The following BRWD1 variants were observed in gnomAD, a reference collection of about 807,000 sequenced individuals.
BRWD1 encodes bromodomain and WD repeat-containing protein 1.
In BRWD1, 82 loss-of-function variants were observed where a neutral mutation model predicts 251.2. That is an observed-to-expected ratio of 0.33 (90% confidence interval 0.27 to 0.39). BRWD1 has a LOEUF of 0.39. Among genes scored for constraint, BRWD1 ranks in the 10% least tolerant of loss-of-function variants. The pLI is 1.00. For synonymous variants in BRWD1, 918 were observed against 902.8 expected (o/e 1.02, Z -0.30); for missense variants, 2,233 against 2,711.6 (o/e 0.82, Z 3.92).
intron 27 of BRWD1, among the ~76,000 whole-genome samples, chr21:39,227,695 C>T (rs2033436734): frequency 6.6e-6 from 1 of 152,104 alleles, no homozygotes; most frequent in African/African-American, 2.4e-5. Context: ...CTTAACAAAA[C>T]AGTGTCAAGT....
At chr21:39,211,770 G>A (rs1050725876) in intron 34 of BRWD1, among the ~76,000 whole-genome samples, 2 of 152,130 alleles carry the variant, frequency 1.3e-5, no homozygotes, top group African/African-American at 4.8e-5. Context: ...TCAAATTAGA[G>A]TATTTTAGGT....
intron 17 of BRWD1, among the ~76,000 whole-genome samples, chr21:39,259,076 G>A (rs536441504): frequency 6.6e-6 from 1 of 152,260 alleles, no homozygotes; most frequent in South Asian, 2.1e-4. Flanking sequence ...AAAAATCCCT[G>A]AGATTTAATT....
At chr21:39,313,193 G>A (rs781467310) in intron 2 of BRWD1, 48 bp downstream of exon 2, 1 of 1,514,026 alleles carries the variant, frequency 6.6e-7, no homozygotes, top group East Asian at 2.6e-5. Flanking sequence ...CCGGCGGCGG[G>A]GACACTGGGG....
At position 39,196,738 on chromosome 21, in the gene BRWD1, T is replaced by C. The variant is rs2031838309; in HGVS notation, c.6331A>G (p.Lys2111Glu). Residue 2111 changes from lysine to glutamate, a missense_variant, in exon 41 of 41, where the codon AAG (lysine) becomes GAG (glutamate). Transcript: ENST00000342449. ...TGTGAATCATGAATCACTTTTGTCT[T>C]ACTAAAAGGAGCCTTTCCATAGGTC... is the stretch of plus-strand genomic sequence containing the variant. Reference protein sequence around the residue: ...LRTYGKAPFSKTKVIHDSQET... With the variant: ...LRTYGKAPFSETKVIHDSQET... 1.2e-6 allele frequency: 2 copies of C among 1,613,720 alleles called. No homozygotes were observed. The highest frequency in any genetic ancestry group is 1.1e-5 in the South Asian group (1 of 91,076).
rs2031885556 is a variant in BRWD1, at chr21:39,197,526, G to A, written c.5654-111C>T. 4.8e-6 allele frequency: 4 copies of A among 840,432 alleles called. No individual in the cohort carries two copies. The Admixed American group carries it at 8.1e-5, about 17-fold the overall frequency. The allele number at this position is 840,432 out of a possible 1,614,324, so 52.1% of individuals were successfully genotyped here. A position where few individuals can be genotyped will look rare whatever the true frequency, so the allele number is the denominator to read the frequency against. On this transcript the variant is annotated intron_variant, in intron 40 of 40. Coordinates refer to ENST00000342449, the MANE Select transcript of BRWD1 (RefSeq NM_033656.4). ...GTATTAATTTGAAGGGGGTATTGCA[G>A]TGAATGGAATGGTACACACCTATTA...
chr21:39,228,782 A>T (rs2033487606), intron 26 of BRWD1, among the ~76,000 whole-genome samples, 200 bp from the exon 27 acceptor site: 1 of 152,198 alleles, frequency 6.6e-6, no homozygotes, highest in Non-Finnish European at 1.5e-5. Flanking sequence ...TTATCAAAAC[A>T]AAATAGAGAT....
rs1307223436 is a variant in BRWD1, at chr21:39,189,234, C to T, written c.*7025G>A. 1 of 984,956 alleles carries T rather than the reference C, an allele frequency of 1.0e-6. No individual in the cohort carries two copies. Among genetic ancestry groups the T allele is most frequent in the African/African-American group, 1.7e-5 (1 of 57,180 alleles). The allele number at this position is 984,956 out of a possible 1,614,324, so 61.0% of individuals were successfully genotyped here. ...ATATACTATTATCAACTAGCTGCAC[C>T]ATTTGCATTTGGAAGAAAAGAACAG... On this transcript the variant is annotated 3_prime_UTR_variant, in exon 41 of 41. Coordinates refer to ENST00000342449, the MANE Select transcript of BRWD1 (RefSeq NM_033656.4).
Position 39,187,905 on chromosome 21 carries a change from C to G in BRWD1, c.*8354G>C, listed in dbSNP as rs1485816922. ...ACCTAGCCTAAGGGATCAAGGAAGGCTTCCTTTAAGGAAGCTTTTAGACGA... is the reference window on the plus strand; with the variant it reads ...ACCTAGCCTAAGGGATCAAGGAAGGGTTCCTTTAAGGAAGCTTTTAGACGA... On this transcript the variant is annotated 3_prime_UTR_variant, in exon 41 of 41. Coordinates refer to ENST00000342449, the MANE Select transcript of BRWD1 (RefSeq NM_033656.4). 1.0e-6 allele frequency: 1 copy of G among 980,344 alleles called. No homozygotes were observed. The highest frequency in any genetic ancestry group is 1.2e-6 in the Non-Finnish European group (1 of 825,506). 60.7% of individuals were successfully genotyped at this position (980,344 alleles called of 1,614,324 possible).
Position 39,236,579 on chromosome 21 carries a change from G to GC in BRWD1, c.2766+15_2766+16insG. ...TATCATGATACATGCTATTTTTAAA[G>GC]ATACGTTTTTCTTACCTCCTTCTTA... On this transcript the variant is annotated intron_variant, in intron 23 of 40. Coordinates refer to ENST00000342449, the MANE Select transcript of BRWD1 (RefSeq NM_033656.4). 1 of 1,555,114 alleles carries GC rather than the reference G, an allele frequency of 6.4e-7. No homozygotes were observed. Among genetic ancestry groups the GC allele is most frequent in the East Asian group, 2.3e-5 (1 of 44,130 alleles).
chr21:39,263,635 T>C (rs2034826316), intron 17 of BRWD1, among the ~76,000 whole-genome samples: 2 of 152,126 alleles, frequency 1.3e-5, no homozygotes, highest in South Asian at 4.1e-4. Context: ...ATGATACATA[T>C]GATGCAATGA....
chr21:39,292,141 G>GGT (rs1411299518), intron 8 of BRWD1, among the ~76,000 whole-genome samples: 4 of 93,686 alleles, frequency 4.3e-5, no homozygotes, highest in Non-Finnish European at 8.6e-5. Flanking sequence ...GTGGGGGGGG[G>GGT]GGTCTCACTA....
chr21:39,212,139 C>A (rs554335096), intron 34 of BRWD1, among the ~76,000 whole-genome samples: 1 of 152,148 alleles, frequency 6.6e-6, no homozygotes, highest in Admixed American at 6.5e-5. Flanking sequence ...AAGCAAATAT[C>A]CTTGACTAGG....
intron 8 of BRWD1, among the ~76,000 whole-genome samples, chr21:39,280,796 T>G (rs1322321940): frequency 6.6e-6 from 1 of 152,222 alleles, no homozygotes; most frequent in Non-Finnish European, 1.5e-5. Context: ...TTCTTCAGAC[T>G]ACATCAGGAT....
Position 39,194,682 on chromosome 21 carries a change from T to C in BRWD1, c.*1577A>G. 1.3e-6 allele frequency: 2 copies of C among 1,534,680 alleles called. No homozygotes were observed. Among genetic ancestry groups the C allele is most frequent in the South Asian group, 1.2e-5 (1 of 84,006 alleles). ...AATAGGAACACTTCAGAACATTCTC[T>C]AACATTAATACCAGTCTGATGCTTC... is the stretch of plus-strand genomic sequence containing the variant. On this transcript the variant is annotated 3_prime_UTR_variant, in exon 41 of 41. Transcript: ENST00000342449.
At chr21:39,275,302 T>C (rs2035245337) in intron 12 of BRWD1, among the ~76,000 whole-genome samples, 2 of 152,210 alleles carry the variant, frequency 1.3e-5, no homozygotes, top group African/African-American at 4.8e-5. Flanking sequence ...CTTTGCAGGA[T>C]ATATCACGGT....
intron 19 of BRWD1, among the ~76,000 whole-genome samples, chr21:39,253,281 T>A (rs1282696211): frequency 1.4e-5 from 1 of 73,068 alleles, no homozygotes; most frequent in African/African-American, 6.8e-5. Flanking sequence ...AAAGCGAAAC[T>A]GTCTCAAAAA....
At chr21:39,313,921 G>A (rs1051874646), upstream of BRWD1, 4 of 317,220 alleles carry the variant, frequency 1.3e-5, no homozygotes, top group Non-Finnish European at 2.4e-5. Context: ...GCGCGACGCC[G>A]GGTGGCCCAG....
intron 37 of BRWD1, among the ~76,000 whole-genome samples, chr21:39,203,438 C>CTTTCTTTTTTTT (rs2032215428): frequency 1.5e-5 from 1 of 67,716 alleles, no homozygotes. Context: ...GACCCTGGTT[C>CTTTCTTTTTTTT]TTTTTTTTTT....
At chr21:39,320,286 C>T (rs191187128) in intron 1 of BRWD1, among the ~76,000 whole-genome samples, 1 of 152,322 alleles carries the variant, frequency 6.6e-6, no homozygotes. Context: ...TAGAGACCCT[C>T]TCTGGGCTTT....
Sources: gnomAD v4.1 joint callset for allele counts (sites outside exome capture counted in the v4.1 genomes callset) on GRCh38, gnomAD v4.1.1 for gene constraint, MANE v1.5 for transcripts, NCBI Gene and HGNC (gene_info 2026-07-23, HGNC 2026-07-21) for gene names.